RBFOX1: variants seen among roughly 807,000 people sequenced by gnomAD.
The protein encoded by RBFOX1 is RNA binding fox-1 homolog 1, also known as RNA binding protein fox-1 homolog 1.
In RBFOX1, 8 loss-of-function variants were observed where a neutral mutation model predicts 57.7. That is an observed-to-expected ratio of 0.14 (90% CI 0.08 to 0.25). RBFOX1 has a LOEUF of 0.25. RBFOX1 is among the 10% of genes least tolerant of loss of function. The probability of loss-of-function intolerance (pLI) is 1.00; values close to 1 mark genes in which losing one functional copy is unlikely to be tolerated. For synonymous variants in RBFOX1, 326 were observed against 222.4 expected (o/e 1.47, Z -4.15); for missense variants, 611 against 548.5 (o/e 1.11, Z -1.14).
At chr16:5,405,876 C>G (rs1340885198) in intron 1 of RBFOX1, among the ~76,000 whole-genome samples, 1 of 152,026 alleles carries the variant, frequency 6.6e-6, no homozygotes, top group Non-Finnish European at 1.5e-5. Context: ...GAAGTGAGGG[C>G]AGAGTGATCC....
At position 5,856,578 on chromosome 16, in the gene RBFOX1, T is replaced by TGTATGTATATGTAC. The variant is rs1385261016; in HGVS notation, c.319-10725_319-10724insGTATGTATATGTAC. ...GTGTGTGTGTATGTGTGTGTGTGTA[T>TGTATGTATATGTAC]ATATATATATATATATATATATATA... On this transcript the variant is annotated intron_variant, in intron 3 of 19. Transcript: ENST00000641259. 2.2e-3 allele frequency among the ~76,000 whole-genome samples: 124 copies of TGTATGTATATGTAC among 56,656 alleles called. 12 individuals are homozygous for TGTATGTATATGTAC. The highest frequency in any genetic ancestry group is 5.9e-3 in the African/African-American group (119 of 20,066). The allele number at this position is 56,656 out of a possible 152,430, so 37.2% of individuals were successfully genotyped here. A position where few individuals can be genotyped will look rare whatever the true frequency, so the allele number is the denominator to read the frequency against.
intron 3 of RBFOX1, among the ~76,000 whole-genome samples, chr16:5,782,411 C>G (rs980887675): frequency 1.3e-5 from 2 of 152,130 alleles, no homozygotes; most frequent in African/African-American, 4.8e-5. Context: ...TTTATAATGA[C>G]ATTAATGCAT....
chr16:6,597,788 A>G (rs748967635), intron 2 of RBFOX1, among the ~76,000 whole-genome samples: 12 of 152,228 alleles, frequency 7.9e-5, no homozygotes, highest in Non-Finnish European at 1.5e-4. Context: ...AGCAAGCCAC[A>G]TAAGCAGCCA....
intron 2 of RBFOX1, among the ~76,000 whole-genome samples, chr16:6,566,463 T>G (rs975264716): frequency 6.6e-6 from 1 of 152,200 alleles, no homozygotes; most frequent in Non-Finnish European, 1.5e-5. Context: ...GAGCCTAGTT[T>G]GAAATGTTGG....
intron 3 of RBFOX1, among the ~76,000 whole-genome samples, chr16:6,807,202 C>G (rs1171327073): frequency 6.6e-6 from 1 of 151,854 alleles, no homozygotes; most frequent in East Asian, 1.9e-4. Flanking sequence ...ACAGGGAGAC[C>G]AGTTAGGAGT....
At chr16:7,428,267 C>CT (rs2098641800) in intron 4 of RBFOX1, among the ~76,000 whole-genome samples, 1 of 148,116 alleles carries the variant, frequency 6.8e-6, no homozygotes, top group East Asian at 2.0e-4. Context: ...CTGCAGTCAA[C>CT]TTTTTTTGTT....
intron 3 of RBFOX1, among the ~76,000 whole-genome samples, chr16:6,880,341 A>ACTGC (rs1174000550): frequency 2.0e-5 from 3 of 152,142 alleles, no homozygotes; most frequent in African/African-American, 7.2e-5. Context: ...GTTCCTGACC[A>ACTGC]CTGCCTTGGT....
chr16:5,839,117 G>A (rs979614524), intron 3 of RBFOX1, among the ~76,000 whole-genome samples: 1 of 152,166 alleles, frequency 6.6e-6, no homozygotes, highest in Admixed American at 6.5e-5. Flanking sequence ...AATTTCAACA[G>A]TACTAAGGCT....
chr16:6,288,362 G>A (rs1356151549), intron 1 of RBFOX1, among the ~76,000 whole-genome samples: 1 of 152,138 alleles, frequency 6.6e-6, no homozygotes, highest in Non-Finnish European at 1.5e-5. Context: ...TTCAGATTTG[G>A]AAGTTCTGGG....
At chr16:6,899,477 C>T (rs1169053692) in intron 3 of RBFOX1, among the ~76,000 whole-genome samples, 2 of 152,126 alleles carry the variant, frequency 1.3e-5, no homozygotes, top group Non-Finnish European at 2.9e-5. Flanking sequence ...CTGTCAAGAG[C>T]ACCGAGTCAT....
At chr16:5,382,395 T>C (rs1035945568) in intron 1 of RBFOX1, among the ~76,000 whole-genome samples, 2 of 151,622 alleles carry the variant, frequency 1.3e-5, no homozygotes, top group East Asian at 3.9e-4. Flanking sequence ...TTTTCATCTT[T>C]TTTTTTTTTC....
At chr16:7,683,371 A>T (rs111582281) in intron 14 of RBFOX1, among the ~76,000 whole-genome samples, 1 of 151,834 alleles carries the variant, frequency 6.6e-6, no homozygotes, top group African/African-American at 2.4e-5. Flanking sequence ...AAATGTGTTC[A>T]ACTTTCTCTC....
At chr16:5,915,324 C>G (rs575091824) in intron 4 of RBFOX1, among the ~76,000 whole-genome samples, 6 of 152,298 alleles carry the variant, frequency 3.9e-5, no homozygotes, top group East Asian at 1.9e-4. Context: ...ATTCAACTGG[C>G]TATTGCATCC....
intron 3 of RBFOX1, among the ~76,000 whole-genome samples, chr16:6,922,235 C>G (rs142054764): frequency 2.6e-5 from 4 of 152,156 alleles, no homozygotes; most frequent in African/African-American, 4.8e-5. Context: ...GCATTGGCAT[C>G]GATCTCAGAA....
chr16:6,929,615 C>T (rs886453501), intron 3 of RBFOX1, among the ~76,000 whole-genome samples: 1 of 152,132 alleles, frequency 6.6e-6, no homozygotes, highest in African/African-American at 2.4e-5. Context: ...AAAAAAGTCC[C>T]ACCAAATTCA....
intron 2 of RBFOX1, among the ~76,000 whole-genome samples, chr16:5,490,552 G>A (rs1377572035): frequency 6.6e-6 from 1 of 152,200 alleles, no homozygotes. Flanking sequence ...TTTGAGAATG[G>A]AATCCCCCGC....
At chr16:5,543,719 C>G (rs530904013) in intron 2 of RBFOX1, among the ~76,000 whole-genome samples, 24 of 152,126 alleles carry the variant, frequency 1.6e-4, no homozygotes, top group African/African-American at 5.5e-4. Flanking sequence ...ACGAAGAAAA[C>G]TACTCTAGGC....
chr16:5,979,028 TCTC>T (rs1763349354), intron 4 of RBFOX1, among the ~76,000 whole-genome samples: 2 of 152,224 alleles, frequency 1.3e-5, no homozygotes. Flanking sequence ...CCTCTCGCCT[TCTC>T]CTCCATTTTT....
chr16:6,537,932 T>C (rs1052117163), intron 2 of RBFOX1, among the ~76,000 whole-genome samples: 9 of 152,010 alleles, frequency 5.9e-5, no homozygotes, highest in African/African-American at 2.2e-4. Context: ...AGCAAGATTT[T>C]TTTTTTTAAT....
Sources: allele counts gnomAD v4.1 joint callset (sites outside exome capture counted in the v4.1 genomes callset), GRCh38; gene constraint gnomAD v4.1.1; transcripts MANE v1.5; gene names NCBI Gene and HGNC (gene_info 2026-07-23, HGNC 2026-07-21).